Variants in CARD19 observed in about 807,000 individuals in gnomAD.
The protein encoded by CARD19 is caspase recruitment domain family member 19.
In CARD19, 25 loss-of-function variants were observed where a neutral mutation model predicts 24.1. The ratio of observed to expected loss-of-function variants is 1.04; its 90% CI spans 0.76 to 1.45. The LOEUF is 1.45. Ranked by LOEUF, CARD19 falls within the 40% of genes most tolerant of loss-of-function variation. The pLI is 0.00. For synonymous variants in CARD19, 103 were observed against 104.9 expected, an observed-to-expected ratio of 0.98 and a Z score of 0.11; for missense variants, 241 against 247.4, an observed-to-expected ratio of 0.97 and a Z score of 0.17.
chr9:93,097,799 G>A (rs1036794374), intron 1 of CARD19, among the ~76,000 whole-genome samples: 5 of 152,214 alleles, frequency 3.3e-5, no homozygotes, highest in South Asian at 2.1e-4. Context: ...TCAGGCAGGG[G>A]TCCCTGAAGG....
intron 1 of CARD19, among the ~76,000 whole-genome samples, chr9:93,102,265 C>A (rs1827112690): frequency 1.3e-5 from 2 of 152,102 alleles, no homozygotes; most frequent in Admixed American, 6.5e-5. Flanking sequence ...AGCCACTGCA[C>A]CTGGCCTGAT....
In CARD19 at chr9:93,102,972, T is replaced by C. The variant is rs188049519; in HGVS notation, c.8-4702T>C. On this transcript the variant is annotated intron_variant, in intron 1 of 5. Coordinates refer to ENST00000375464, the MANE Select transcript of CARD19 (RefSeq NM_032310.5). ...ATGAAATATTTTTGTGTGTTGATTT[T>C]ATATCTTGCAACCTTGCTGCATGCT... Among the ~76,000 whole-genome samples, 1,114 of 152,346 alleles carry C rather than the reference T, an allele frequency of 7.3e-3. 6 individuals carry two copies. Among genetic ancestry groups the C allele is most frequent in the Non-Finnish European group, 0.012 (804 of 68,028 alleles).
rs1827567997 is a variant in CARD19 at position 93,113,055 on chromosome 9, A to G, written c.500A>G (p.His167Arg). The stretch of plus-strand genomic sequence containing the variant: ...TTCTCGCCTGTCATCATCGACAGAC[A>G]TGTCAGCCGCTACCTGCTGGCCTTC... ...LGFSPVIIDR[H>R]VSRYLLAFLA... The change falls in exon 6 of 6, where the codon CAT (histidine) becomes CGT (arginine). Residue 167 changes from histidine (H) to arginine (R), a missense_variant. By Grantham distance (29) the His-to-Arg change is conservative. Coordinates refer to ENST00000375464, the MANE Select transcript of CARD19 (RefSeq NM_032310.5). The G allele has an allele frequency of 3.7e-6, 6 of 1,605,440 alleles. No individual in the cohort carries two copies. Among genetic ancestry groups the G allele is most frequent in the East Asian group, 2.2e-5 (1 of 44,748 alleles).
intron 2 of CARD19, 190 bp from the exon 3 acceptor site, chr9:93,110,378 C>A: frequency 1.1e-6 from 1 of 885,572 alleles, no homozygotes; most frequent in Non-Finnish European, 1.7e-6. Context: ...GCAGTGATGC[C>A]TGTGACAGAG....
At position 93,112,237 on chromosome 9, in the gene CARD19, T is replaced by A. The variant is rs1827523981; in HGVS notation, c.384T>A (p.Ala128=). ...LSNRGPMSFL[A]GLGLAVGLAL... is the part of the protein sequence containing the mutation. The stretch of plus-strand genomic sequence containing the variant: ...CCCCAGGACCCATGAGCTTCCTGGC[T>A]GGCCTGGGCCTTGCTGTGGGACTGG... The change falls in exon 5 of 6, where the codon GCT becomes GCA. Residue 128 remains alanine, a synonymous_variant. Transcript: ENST00000375464. 1 of 1,545,260 alleles carries A rather than the reference T, an allele frequency of 6.5e-7. No homozygotes were observed. The highest frequency in any genetic ancestry group is 2.0e-5 in the Admixed American group (1 of 50,998).
At position 93,107,737 on chromosome 9, in the gene CARD19, G is replaced by A. The variant is rs754153635; in HGVS notation, c.71G>A (p.Ser24Asn). Reference sequence around the variant, plus strand: ...TTCCTGACAGGCCATGGGCGCTTGAGTGAGCAGCAGGTGGACAGGATCATC... The same window carrying A: ...TTCCTGACAGGCCATGGGCGCTTGAATGAGCAGCAGGTGGACAGGATCATC... Reference protein sequence around the residue: ...TPFLTGHGRLSEQQVDRIILQ... With the variant: ...TPFLTGHGRLNEQQVDRIILQ... The change falls in exon 2 of 6, where the codon AGT (serine) becomes AAT (asparagine). Residue 24 changes from serine (S) to asparagine (N), a missense_variant. By Grantham distance (46) the Ser-to-Asn change is conservative (BLOSUM62 1). Coordinates refer to ENST00000375464, the MANE Select transcript of CARD19 (RefSeq NM_032310.5). 2 of 1,614,268 alleles carry A rather than the reference G, an allele frequency of 1.2e-6. No individual in the cohort carries two copies. Among genetic ancestry groups the A allele is most frequent in the East Asian group, 2.2e-5 (1 of 44,890 alleles).
At chr9:93,108,565 C>T (rs532562693) in intron 2 of CARD19, among the ~76,000 whole-genome samples, 7 of 152,210 alleles carry the variant, frequency 4.6e-5, no homozygotes, top group South Asian at 2.1e-4. Context: ...AACGCCTGCC[C>T]GAGAGCCCTT....
intron 2 of CARD19, 89 bp downstream of exon 2, chr9:93,107,905 A>T: frequency 6.6e-7 from 1 of 1,520,148 alleles, no homozygotes; most frequent in Non-Finnish European, 9.0e-7. Context: ...GCCCTGGGTC[A>T]TTCTCTCATG....
At chr9:93,112,128 G>A in intron 4 of CARD19, 90 bp from the exon 5 acceptor site, 1 of 1,400,432 alleles carries the variant, frequency 7.1e-7, no homozygotes, top group Non-Finnish European at 9.8e-7. Flanking sequence ...CCTCAGCCTG[G>A]CACCCCCACT....
chr9:93,110,743 A>G, intron 3 of CARD19, 22 bp downstream of exon 3: 1 of 1,604,556 alleles, frequency 6.2e-7, no homozygotes, highest in Non-Finnish European at 8.5e-7. Context: ...ATCACCAACC[A>G]TGCATGCTTG....
At chr9:93,097,054 A>G (rs961495299) in intron 1 of CARD19, among the ~76,000 whole-genome samples, 5 of 152,160 alleles carry the variant, frequency 3.3e-5, no homozygotes, top group African/African-American at 9.7e-5. Flanking sequence ...TCCTGATCCC[A>G]AACAGGGTGA....
intron 1 of CARD19, among the ~76,000 whole-genome samples, chr9:93,105,587 G>T (rs534376595): frequency 9.2e-5 from 14 of 152,164 alleles, no homozygotes; most frequent in African/African-American, 3.1e-4. Flanking sequence ...GGCCCCATTG[G>T]CTGTTTAATT....
At chr9:93,102,122 C>T (rs148449907) in intron 1 of CARD19, among the ~76,000 whole-genome samples, 14 of 152,014 alleles carry the variant, frequency 9.2e-5, no homozygotes, top group South Asian at 4.2e-4. Context: ...CCACCATGCC[C>T]GACTAATTTT....
At chr9:93,106,238 T>TTGTA (rs900652862) in intron 1 of CARD19, among the ~76,000 whole-genome samples, 2 of 151,674 alleles carry the variant, frequency 1.3e-5, no homozygotes, top group African/African-American at 4.8e-5. Context: ...CAGCACTTAG[T>TTGTA]TGTATCATAT....
intron 1 of CARD19, among the ~76,000 whole-genome samples, chr9:93,104,479 T>A (rs1333378194): frequency 1.3e-5 from 2 of 152,224 alleles, no homozygotes; most frequent in African/African-American, 4.8e-5. Context: ...TTTGTAAGTT[T>A]GAGAAGGATT....
Position 93,113,102 on chromosome 9 carries a change from C to A in CARD19, c.547C>A (p.Leu183Ile). 2 of 1,564,740 alleles carry A rather than the reference C, an allele frequency of 1.3e-6. No individual in the cohort carries two copies. Among genetic ancestry groups the A allele is most frequent in the East Asian group, 2.3e-5 (1 of 42,660 alleles). ...CTTCCTGGCAGATGACCTAGGGGGG[C>A]TCTGACAGACCCTGGACCCAGGGCC... The part of the protein sequence containing the change: ...LAFLADDLGG[L>I] Residue 183 changes from leucine (L) to isoleucine (I), a missense_variant, in exon 6 of 6, where the codon CTC becomes ATC. By Grantham distance (5) the Leu-to-Ile change is conservative. Coordinates refer to ENST00000375464, the MANE Select transcript of CARD19 (RefSeq NM_032310.5).
chr9:93,109,665 C>T (rs1453895511), intron 2 of CARD19, among the ~76,000 whole-genome samples: 3 of 152,046 alleles, frequency 2.0e-5, no homozygotes, highest in South Asian at 2.1e-4. Flanking sequence ...GGGGTTTCAC[C>T]GTGTTGGCCA....
chr9:93,111,464 G>A, intron 3 of CARD19: 1 of 1,083,850 alleles, frequency 9.2e-7, no homozygotes, highest in Non-Finnish European at 1.1e-6. Context: ...AGGCTACTGG[G>A]CTGTGGTCTC....
intron 1 of CARD19, among the ~76,000 whole-genome samples, chr9:93,103,342 C>G (rs1827150071): frequency 6.6e-6 from 1 of 152,156 alleles, no homozygotes; most frequent in South Asian, 2.1e-4. Flanking sequence ...ATGTTCAAAT[C>G]CCTTATATAA....
Sources: allele counts gnomAD v4.1 joint callset (sites outside exome capture counted in the v4.1 genomes callset), GRCh38; gene constraint gnomAD v4.1.1; transcripts MANE v1.5; gene names NCBI Gene and HGNC (gene_info 2026-07-23, HGNC 2026-07-21).